RTN1: variants seen among roughly 807,000 people sequenced by gnomAD.
RTN1 encodes reticulon 1.
RTN1 carries 25 observed loss-of-function variants against 65.5 expected under a neutral mutation model. That is an observed-to-expected ratio of 0.38 (90% CI 0.28 to 0.53). The LOEUF is 0.53. Among genes scored for constraint, RTN1 ranks in the 20% least tolerant of loss-of-function variants. RTN1 has a pLI of 0.79. For missense variants in RTN1, 983 were observed against 1,025.4 expected, an observed-to-expected ratio of 0.96 and a Z score of 0.57; for synonymous variants, 471 against 447.6, an observed-to-expected ratio of 1.05 and a Z score of -0.66.
intron 1 of RTN1, among the ~76,000 whole-genome samples, chr14:59,807,365 A>G (rs1166783109): frequency 6.6e-6 from 1 of 152,252 alleles, no homozygotes; most frequent in Non-Finnish European, 1.5e-5. Flanking sequence ...AAAATCCACT[A>G]GAGATGTAAA....
At chr14:59,669,795 C>T (rs1883463359) in intron 3 of RTN1, among the ~76,000 whole-genome samples, 1 of 151,966 alleles carries the variant, frequency 6.6e-6, no homozygotes. Context: ...GTTCACACTG[C>T]CGATGAGTGG....
intron 1 of RTN1, among the ~76,000 whole-genome samples, chr14:59,782,245 C>A (rs746664860): frequency 1.3e-5 from 2 of 151,978 alleles, no homozygotes; most frequent in Non-Finnish European, 2.9e-5. Context: ...GTTACAGAAG[C>A]CCAAACAGAT....
chr14:59,700,265 C>T (rs1283031887), intron 3 of RTN1, among the ~76,000 whole-genome samples: 1 of 152,084 alleles, frequency 6.6e-6, no homozygotes, highest in Non-Finnish European at 1.5e-5. Context: ...TTCTTATGTT[C>T]ATGAATTGGA....
At position 59,621,937 on chromosome 14, in the gene RTN1, T is replaced by C. The variant is rs1028017900; in HGVS notation, c.1766-14445A>G. On this transcript the variant is annotated intron_variant, in intron 3 of 8. Coordinates refer to ENST00000267484, the MANE Select transcript of RTN1 (RefSeq NM_021136.3). The stretch of plus-strand genomic sequence containing the variant: ...AAATTGTGCATAATTATCTGCATTA[T>C]GGTACCATATTCTTAACTGTGTAAT... 3.3e-5 allele frequency among the ~76,000 whole-genome samples: 5 copies of C among 152,374 alleles called. No individual in the cohort carries two copies. In the East Asian group the frequency reaches 7.7e-4, roughly 23 times the overall value.
intron 3 of RTN1, among the ~76,000 whole-genome samples, chr14:59,668,716 C>T (rs986383460): frequency 6.6e-6 from 1 of 152,134 alleles, no homozygotes; most frequent in African/African-American, 2.4e-5. Context: ...TGACAAAGGG[C>T]TAATATCCAG....
Position 59,689,603 on chromosome 14 carries a change from G to A in RTN1, c.1765+37316C>T, listed in dbSNP as rs77212000. On this transcript the variant is annotated intron_variant, in intron 3 of 8. Transcript: ENST00000267484. ...AAAGAGAACCCCATCAGCTAACAGC[G>A]GACTTCTCAGCAGAAACCTTACAAA... Among the ~76,000 whole-genome samples, 132 of 152,272 alleles carry A rather than the reference G, an allele frequency of 8.7e-4. 2 individuals carry two copies. Among genetic ancestry groups the A allele is most frequent in the Admixed American group, 2.4e-3 (37 of 15,288 alleles).
chr14:59,733,407 A>C (rs911633674), intron 2 of RTN1, among the ~76,000 whole-genome samples: 7 of 152,160 alleles, frequency 4.6e-5, no homozygotes, highest in African/African-American at 1.7e-4. Flanking sequence ...TGCTTCTTTA[A>C]GCAGGGCTCC....
intron 3 of RTN1, among the ~76,000 whole-genome samples, chr14:59,724,139 A>G (rs1884706686): frequency 6.6e-6 from 1 of 152,194 alleles, no homozygotes; most frequent in Admixed American, 6.5e-5. Context: ...GAGCAGAAAT[A>G]CAGGGCGGCA....
intron 2 of RTN1, among the ~76,000 whole-genome samples, chr14:59,729,588 C>T (rs1884857405): frequency 6.6e-6 from 1 of 152,130 alleles, no homozygotes; most frequent in Non-Finnish European, 1.5e-5. Context: ...TTGACTAGAG[C>T]ACGGAGAAAT....
chr14:59,852,179 T>C (rs1234983320), intron 1 of RTN1, among the ~76,000 whole-genome samples: 4 of 152,214 alleles, frequency 2.6e-5, no homozygotes, highest in Admixed American at 6.5e-5. Context: ...ATTTTCTACG[T>C]ATAATGGCAC....
chr14:59,600,727 C>T (rs1190637029), intron 8 of RTN1, among the ~76,000 whole-genome samples: 1 of 152,158 alleles, frequency 6.6e-6, no homozygotes, highest in Non-Finnish European at 1.5e-5. Context: ...TCCTAGCTAC[C>T]AGGAAATTCA....
intron 1 of RTN1, among the ~76,000 whole-genome samples, chr14:59,819,414 A>ACCACCCC (rs1886889373): frequency 3.1e-5 from 1 of 31,862 alleles, no homozygotes; most frequent in African/African-American, 3.0e-4. Flanking sequence ...CACCACCACC[A>ACCACCCC]CCCCCCCCCC....
intron 3 of RTN1, among the ~76,000 whole-genome samples, chr14:59,681,042 G>A (rs909333701): frequency 4.6e-5 from 7 of 151,924 alleles, no homozygotes; most frequent in Admixed American, 1.3e-4. Context: ...CAGTTATTTT[G>A]TCTTTTATAA....
intron 1 of RTN1, among the ~76,000 whole-genome samples, chr14:59,841,893 G>A (rs951458958): frequency 1.1e-4 from 17 of 151,866 alleles, no homozygotes; most frequent in African/African-American, 2.9e-4. Flanking sequence ...TTGGGAGGCC[G>A]AGGCGGGTAG....
chr14:59,716,669 G>T (rs1426837476), intron 3 of RTN1, among the ~76,000 whole-genome samples: 4 of 151,994 alleles, frequency 2.6e-5, no homozygotes, highest in African/African-American at 9.7e-5. Flanking sequence ...AAATTGTGGT[G>T]GTGTGAGTGA....
At chr14:59,866,082 T>C (rs749201341) in intron 1 of RTN1, among the ~76,000 whole-genome samples, 2 of 152,108 alleles carry the variant, frequency 1.3e-5, no homozygotes, top group Non-Finnish European at 2.9e-5. Flanking sequence ...TCCCTTCTAG[T>C]CAAGCTTCCA....
chr14:59,830,631 G>C (rs982935484), intron 1 of RTN1, among the ~76,000 whole-genome samples: 1 of 152,086 alleles, frequency 6.6e-6, no homozygotes, highest in Non-Finnish European at 1.5e-5. Flanking sequence ...CATCCCTTAG[G>C]CCTTTTCAAA....
chr14:59,850,902 C>A (rs1887493608), intron 1 of RTN1, among the ~76,000 whole-genome samples: 1 of 152,120 alleles, frequency 6.6e-6, no homozygotes, highest in African/African-American at 2.4e-5. Context: ...TTTCTTTTAT[C>A]ACTGTTTTTA....
In RTN1 at chr14:59,774,898, C is replaced by T. The variant is rs1253088323; in HGVS notation, c.242-28417G>A. ...TGAAGAGGCAAAAACATCCAAGTAA[C>T]CACTTCTATAATGCTTGACTGAATT... On this transcript the variant is annotated intron_variant, in intron 1 of 8. Coordinates refer to ENST00000267484, the MANE Select transcript of RTN1 (RefSeq NM_021136.3). This position sits in a 1 kb window ranked among gnomAD's most constrained non-coding sequence, Gnocchi z 5.1. Among the ~76,000 whole-genome samples, 1 of 152,156 alleles carries T rather than the reference C, an allele frequency of 6.6e-6. No individual in the cohort carries two copies. Among genetic ancestry groups the T allele is most frequent in the Non-Finnish European group, 1.5e-5 (1 of 68,026 alleles).
Sources: allele counts gnomAD v4.1 joint callset (sites outside exome capture counted in the v4.1 genomes callset), GRCh38; gene constraint gnomAD v4.1.1; non-coding constraint Gnocchi (gnomAD v3.1); transcripts MANE v1.5; gene names NCBI Gene and HGNC (gene_info 2026-07-23, HGNC 2026-07-21).